FAT4: variants seen among roughly 807,000 people sequenced by gnomAD.
The protein encoded by FAT4 is FAT atypical cadherin 4.
Under a neutral mutation model 303.9 loss-of-function variants are expected in FAT4, and 84 were observed. The observed-to-expected ratio is 0.28, with a 90% CI of 0.23 to 0.33. FAT4 has a LOEUF of 0.33. Ranked by LOEUF, FAT4 falls within the 10% of genes least tolerant of loss-of-function variation. FAT4 has a pLI of 1.00. For missense variants in FAT4, 6,005 were observed against 6,146.8 expected, an observed-to-expected ratio of 0.98 and a Z score of 0.77; for synonymous variants, 2,307 against 2,298.8, an observed-to-expected ratio of 1.00 and a Z score of -0.10.
chr4:125,440,602 T>TGA lies in FAT4; in HGVS notation c.7200-5690_7200-5689insAG, dbSNP rs1341932028. Among the ~76,000 whole-genome samples the TGA allele has an allele frequency of 1.0e-4, 6 of 57,272 alleles. No individual in the cohort carries two copies. In the South Asian group the frequency reaches 2.7e-3, roughly 25 times the overall value. The allele number at this position is 57,272 out of a possible 152,430, so 37.6% of individuals were successfully genotyped here. ...GTACTTGTGTGTGTGTGTGTGTGTG[T>TGA]GTGTGTGTGAGAGAGAGAGAGAGAG... On this transcript the variant is annotated intron_variant, in intron 8 of 17. Transcript: ENST00000394329.
intron 3 of FAT4, among the ~76,000 whole-genome samples, chr4:125,401,128 A>T (rs1303034246): frequency 1.3e-5 from 2 of 152,204 alleles, no homozygotes; most frequent in East Asian, 3.9e-4. Flanking sequence ...AAAAGCTCAC[A>T]AAGTTGTTTG....
At chr4:125,362,547 T>C (rs1281734352) in intron 2 of FAT4, among the ~76,000 whole-genome samples, 1 of 152,166 alleles carries the variant, frequency 6.6e-6, no homozygotes, top group Non-Finnish European at 1.5e-5. Context: ...AGAGGAATTA[T>C]TCAGTTTAGG....
intron 2 of FAT4, among the ~76,000 whole-genome samples, chr4:125,372,677 G>A (rs756721606): frequency 3.7e-4 from 56 of 152,282 alleles, no homozygotes; most frequent in Non-Finnish European, 5.3e-4. Flanking sequence ...TATTGTGAAT[G>A]TTGAATGTGG....
Position 125,449,822 on chromosome 4 carries a change from C to A in FAT4, c.8812C>A (p.Gln2938Lys), listed in dbSNP as rs370499753. ...EIFNKQILKY[Q>K]NVTGFSNVNI... ...TTTCAATAAACAGATCTTAAAATAC[C>A]AAAATGTCACTGGCTTCAGTAATGT... The change falls in exon 10 of 18, where the codon CAA (glutamine) becomes AAA (lysine). Residue 2938 changes from glutamine (Q) to lysine (K), a missense_variant. Coordinates refer to ENST00000394329, the MANE Select transcript of FAT4 (RefSeq NM_001291303.3). 3.5e-5 allele frequency: 56 copies of A among 1,613,604 alleles called. No homozygotes were observed. In the African/African-American group the frequency reaches 7.1e-4, roughly 20 times the overall value.
chr4:125,492,179 A>C lies in FAT4; in HGVS notation c.*411A>C, dbSNP rs975741339. The C allele has an allele frequency of 1.2e-5, 2 of 165,142 alleles. No homozygotes were observed. Among genetic ancestry groups the C allele is most frequent in the African/African-American group, 2.4e-5 (1 of 41,594 alleles). 10.2% of individuals were successfully genotyped at this position (165,142 alleles called of 1,614,324 possible). On this transcript the variant is annotated 3_prime_UTR_variant, in exon 18 of 18. Coordinates refer to ENST00000394329, the MANE Select transcript of FAT4 (RefSeq NM_001291303.3). ...TTGCATTGCAAGATTCTTGATGTTA[A>C]ACCAATCCTTGTAAAGTGTAAAAAG...
At position 125,491,959 on chromosome 4, in the gene FAT4, G is replaced by T; in HGVS notation, c.*191G>T. ...AACAACTCTTAATTTAAACATGTGT[G>T]GTTGAATTTATTTCCCTGCATGCAT... On this transcript the variant is annotated 3_prime_UTR_variant, in exon 18 of 18. Coordinates refer to ENST00000394329, the MANE Select transcript of FAT4 (RefSeq NM_001291303.3). 1.7e-6 allele frequency: 1 copy of T among 582,546 alleles called. No individual in the cohort carries two copies. The highest frequency in any genetic ancestry group is 2.9e-6 in the Non-Finnish European group (1 of 346,790). The allele number at this position is 582,546 out of a possible 1,614,324, so 36.1% of individuals were successfully genotyped here.
At chr4:125,362,074 C>A (rs1215203751) in intron 2 of FAT4, among the ~76,000 whole-genome samples, 1 of 152,094 alleles carries the variant, frequency 6.6e-6, no homozygotes, top group African/African-American at 2.4e-5. Flanking sequence ...CCATTTCAGT[C>A]CCCTCTCTCA....
chr4:125,438,551 C>A (rs909250528), intron 8 of FAT4, among the ~76,000 whole-genome samples: 1 of 152,094 alleles, frequency 6.6e-6, no homozygotes. Context: ...CAGTGAAAAT[C>A]TTAAAATGAC....
chr4:125,446,358 G>T lies in FAT4; in HGVS notation c.7265G>T (p.Ser2422Ile). The T allele has an allele frequency of 6.2e-7, 1 of 1,613,222 alleles. No homozygotes were observed. The highest frequency in any genetic ancestry group is 8.5e-7 in the Non-Finnish European group (1 of 1,179,302). The change falls in exon 9 of 18, where the codon AGC becomes ATC. Residue 2422 changes from serine (S) to isoleucine (I), a missense_variant. By Grantham distance (142) the Ser-to-Ile change is moderately radical (BLOSUM62 -2). Coordinates refer to ENST00000394329, the MANE Select transcript of FAT4 (RefSeq NM_001291303.3). Reference sequence around the variant, plus strand: ...CCATCGACAGGACAAATCATCACCAGCGCATTGTTAGATAGGGAAACAAAA... The same window carrying T: ...CCATCGACAGGACAAATCATCACCATCGCATTGTTAGATAGGGAAACAAAA... ...INPSTGQIIT[S>I]ALLDRETKDN...
intron 3 of FAT4, among the ~76,000 whole-genome samples, chr4:125,405,406 A>G (rs1203164039): frequency 1.3e-5 from 2 of 151,778 alleles, no homozygotes; most frequent in East Asian, 1.9e-4. Flanking sequence ...GTTTTGGTTT[A>G]TTTGTTATGA....
rs762373326 is a variant in FAT4, at chr4:125,321,604, A to G, written c.5175+18A>G. ...GAGCAGAGGTAATGATTTTGTAGTC[A>G]TTTATTATTTGTTGATTTGCTTTTT... On this transcript the variant is annotated intron_variant, in intron 2 of 17. Coordinates refer to ENST00000394329, the MANE Select transcript of FAT4 (RefSeq NM_001291303.3). 3 of 1,551,896 alleles carry G rather than the reference A, an allele frequency of 1.9e-6. No individual in the cohort carries two copies. Among genetic ancestry groups the G allele is most frequent in the Non-Finnish European group, 8.7e-7 (1 of 1,152,462 alleles).
At chr4:125,368,350 G>A (rs1409067203) in intron 2 of FAT4, among the ~76,000 whole-genome samples, 4 of 151,822 alleles carry the variant, frequency 2.6e-5, no homozygotes, top group Non-Finnish European at 4.4e-5. Context: ...AACAGTTTAT[G>A]CAGTTAGAAT....
chr4:125,445,336 G>GT (rs908280863), intron 8 of FAT4, among the ~76,000 whole-genome samples: 2 of 152,040 alleles, frequency 1.3e-5, no homozygotes, highest in Admixed American at 6.6e-5. Flanking sequence ...CTGCAATATA[G>GT]TTTTTTCCCC....
intron 7 of FAT4, among the ~76,000 whole-genome samples, chr4:125,431,708 A>G (rs1325361337): frequency 2.0e-5 from 3 of 152,148 alleles, no homozygotes; most frequent in Non-Finnish European, 2.9e-5. Flanking sequence ...AGAGTGAAAT[A>G]TCAGTAAAAG....
In FAT4 at chr4:125,459,605, A is replaced by G. The variant is rs907832649; in HGVS notation, c.11801-3958A>G. Among the ~76,000 whole-genome samples, 10 of 152,182 alleles carry G rather than the reference A, an allele frequency of 6.6e-5. No homozygotes were observed. In the South Asian group the frequency reaches 1.0e-3, roughly 16 times the overall value. On this transcript the variant is annotated intron_variant, in intron 10 of 17. Transcript: ENST00000394329. ...GATGTCAAAGCAATGAGATCAATTTATTCTTCTAAACAGCTGCTATGGCAG... is the reference window on the plus strand; with the variant it reads ...GATGTCAAAGCAATGAGATCAATTTGTTCTTCTAAACAGCTGCTATGGCAG...
At chr4:125,487,735 ATTTATGTTT>A in intron 17 of FAT4, 129 bp downstream of exon 17, 1 of 914,558 alleles carries the variant, frequency 1.1e-6, no homozygotes, top group Non-Finnish European at 1.5e-6. Context: ...ATTCAATAAA[ATTTATGTTT>A]AAAAAAGTAG....
At chr4:125,407,351 T>C (rs892071339) in intron 4 of FAT4, among the ~76,000 whole-genome samples, 4 of 152,138 alleles carry the variant, frequency 2.6e-5, no homozygotes, top group African/African-American at 9.7e-5. Flanking sequence ...ATGAATGAGG[T>C]TAGCCATTTA....
chr4:125,376,877 C>T (rs1733347161), intron 2 of FAT4, among the ~76,000 whole-genome samples: 1 of 152,076 alleles, frequency 6.6e-6, no homozygotes, highest in South Asian at 2.1e-4. Context: ...AAGAGTGAAA[C>T]TCTATCTCAA....
chr4:125,341,609 A>T (rs1731798424), intron 2 of FAT4, among the ~76,000 whole-genome samples: 2 of 152,032 alleles, frequency 1.3e-5, no homozygotes, highest in Non-Finnish European at 2.9e-5. Context: ...ATGTCTTTTA[A>T]TTCATGTGTG....
Sources: gnomAD v4.1 joint callset for allele counts (sites outside exome capture counted in the v4.1 genomes callset) on GRCh38, gnomAD v4.1.1 for gene constraint, MANE v1.5 for transcripts, NCBI Gene and HGNC (gene_info 2026-07-23, HGNC 2026-07-21) for gene names.